The following BCAS3 variants were observed in gnomAD, a reference collection of about 807,000 sequenced individuals.
The protein encoded by BCAS3 is BCAS4/BCAS3 fusion.
In BCAS3, 53 loss-of-function variants were observed where a neutral mutation model predicts 116.1. The ratio of observed to expected loss-of-function variants is 0.46; its 90% CI spans 0.37 to 0.57. BCAS3 has a LOEUF of 0.57. BCAS3 is among the 20% of genes least tolerant of loss of function. BCAS3 has a pLI of 0.00. For missense variants in BCAS3, 917 were observed against 1,165.4 expected (o/e 0.79, Z 3.10); for synonymous variants, 391 against 408.2 (o/e 0.96, Z 0.51).
intron 6 of BCAS3, among the ~76,000 whole-genome samples, chr17:60,752,531 C>T (rs1021339564): frequency 1.3e-5 from 2 of 151,868 alleles, no homozygotes; most frequent in Non-Finnish European, 2.9e-5. Flanking sequence ...TCATGCCATT[C>T]TCCTGCCTCA....
In BCAS3 at chr17:61,323,749, G is replaced by A. The variant is rs145558876; in HGVS notation, c.2426-44578G>A. On this transcript the variant is annotated intron_variant, in intron 22 of 23. Coordinates refer to ENST00000407086, the MANE Select transcript of BCAS3 (RefSeq NM_017679.5). The surrounding 1 kb of genome is among the most constrained non-coding windows in gnomAD (Gnocchi z 4.6). ...AAGGATTCAGGGACCATTCATCACC[G>A]TGGTGCCTAGTCCCCAGGAGGTCAG... Among the ~76,000 whole-genome samples, 2 of 152,098 alleles carry A rather than the reference G, an allele frequency of 1.3e-5. No homozygotes were observed. Among genetic ancestry groups the A allele is most frequent in the Non-Finnish European group, 2.9e-5 (2 of 68,020 alleles).
At chr17:61,370,683 A>G (rs2059001428) in intron 23 of BCAS3, among the ~76,000 whole-genome samples, 1 of 152,224 alleles carries the variant, frequency 6.6e-6, no homozygotes, top group Admixed American at 6.5e-5. Flanking sequence ...CACCATGCCC[A>G]GCCTAAAACT....
At chr17:61,154,437 A>ATT (rs375714479) in intron 22 of BCAS3, among the ~76,000 whole-genome samples, 10 of 141,496 alleles carry the variant, frequency 7.1e-5, no homozygotes, top group African/African-American at 7.8e-5. Context: ...AGCACAAGCA[A>ATT]TTTTTTTTTT....
At chr17:61,202,679 C>T (rs180754335) in intron 22 of BCAS3, among the ~76,000 whole-genome samples, 2 of 152,154 alleles carry the variant, frequency 1.3e-5, no homozygotes, top group Admixed American at 1.3e-4. Flanking sequence ...CAAAGAAAAG[C>T]TGAGAATTAA....
At chr17:61,287,071 AC>A in intron 22 of BCAS3, among the ~76,000 whole-genome samples, 1 of 151,880 alleles carries the variant, frequency 6.6e-6, no homozygotes, top group East Asian at 2.0e-4. Flanking sequence ...ACACGGTGAA[AC>A]CCCGTCTCTA....
At chr17:60,934,739 A>G (rs1010092889) in intron 13 of BCAS3, among the ~76,000 whole-genome samples, 2 of 152,192 alleles carry the variant, frequency 1.3e-5, no homozygotes, top group East Asian at 1.9e-4. Flanking sequence ...AACAGCCTAA[A>G]TATTTCCCAA....
intron 7 of BCAS3, among the ~76,000 whole-genome samples, chr17:60,867,418 T>C (rs9898343): frequency 0.19 from 28,580 of 152,054 alleles, 3,265 homozygotes; most frequent in African/African-American, 0.32. Context: ...CGTAGGTTTT[T>C]AAAAAACCAT....
chr17:60,789,882 A>G (rs941525856), intron 6 of BCAS3, among the ~76,000 whole-genome samples: 2 of 152,190 alleles, frequency 1.3e-5, no homozygotes, highest in Non-Finnish European at 2.9e-5. Context: ...TATTCAAGAT[A>G]TCCACAATAA....
In BCAS3 at chr17:61,105,076, C is replaced by T. The variant is rs1430506906; in HGVS notation, c.2425+20512C>T. On this transcript the variant is annotated intron_variant, in intron 22 of 23. Transcript: ENST00000407086. The surrounding 1 kb of genome is among the most constrained non-coding windows in gnomAD (Gnocchi z 4.3). ...GTGGCTTTTTATGGAACCATAGCTG[C>T]ATTTCCATCTCTTTCATCCCTCCCT... is the stretch of plus-strand genomic sequence containing the variant. Among the ~76,000 whole-genome samples, 1 of 152,142 alleles carries T rather than the reference C, an allele frequency of 6.6e-6. No individual in the cohort carries two copies. Among genetic ancestry groups the T allele is most frequent in the African/African-American group, 2.4e-5 (1 of 41,432 alleles).
intron 12 of BCAS3, among the ~76,000 whole-genome samples, chr17:60,919,208 T>C (rs1003610388): frequency 6.6e-6 from 1 of 152,154 alleles, no homozygotes; most frequent in Admixed American, 6.5e-5. Flanking sequence ...ATACATTTTT[T>C]GGGGGGGTTA....
chr17:60,983,840 T>C (rs1178647764), intron 14 of BCAS3, among the ~76,000 whole-genome samples: 4 of 152,226 alleles, frequency 2.6e-5, no homozygotes, highest in Non-Finnish European at 4.4e-5. Context: ...ATGCATTTCA[T>C]ATTATGATAT....
At chr17:60,921,257 G>T (rs1030480400) in intron 12 of BCAS3, among the ~76,000 whole-genome samples, 1 of 152,176 alleles carries the variant, frequency 6.6e-6, no homozygotes, top group Non-Finnish European at 1.5e-5. Context: ...GTCATTTACA[G>T]CAGCATGTGT....
chr17:60,722,887 C>G (rs1190685332), intron 5 of BCAS3, among the ~76,000 whole-genome samples: 1 of 151,902 alleles, frequency 6.6e-6, no homozygotes, highest in African/African-American at 2.4e-5. Flanking sequence ...CAACATAGAC[C>G]CTGTCTTGAC....
intron 4 of BCAS3, among the ~76,000 whole-genome samples, chr17:60,691,495 T>A (rs984706355): frequency 6.6e-6 from 1 of 152,132 alleles, no homozygotes; most frequent in Non-Finnish European, 1.5e-5. Flanking sequence ...TGATTAGTAA[T>A]GTTTAGCATC....
rs1440723453 is a variant in BCAS3 at position 61,144,169 on chromosome 17, C to T, written c.2425+59605C>T. Reference sequence around the variant, plus strand: ...TTTTTTGCCACTGGTAAACTCCTGCCTAGAGGAATGCCAGAGGCAGAATAA... The same window carrying T: ...TTTTTTGCCACTGGTAAACTCCTGCTTAGAGGAATGCCAGAGGCAGAATAA... On this transcript the variant is annotated intron_variant, in intron 22 of 23. Transcript: ENST00000407086. This position sits in a 1 kb window ranked among gnomAD's most constrained non-coding sequence, Gnocchi z 5.0. Among the ~76,000 whole-genome samples, 1 of 151,970 alleles carries T rather than the reference C, an allele frequency of 6.6e-6. No individual in the cohort carries two copies. The highest frequency in any genetic ancestry group is 2.4e-5 in the African/African-American group (1 of 41,348).
At chr17:61,375,329 A>G (rs16945213) in intron 23 of BCAS3, among the ~76,000 whole-genome samples, 4,194 of 151,886 alleles carry the variant, frequency 0.028, 195 homozygotes, top group African/African-American at 0.096. Flanking sequence ...TACTGGAGTC[A>G]ATCAGATATG....
At chr17:61,107,134 T>C (rs1311831173) in intron 22 of BCAS3, among the ~76,000 whole-genome samples, 1 of 140,562 alleles carries the variant, frequency 7.1e-6, no homozygotes, top group Non-Finnish European at 1.5e-5. Context: ...TCGCCCAGGC[T>C]GGAGTGAAGT....
intron 22 of BCAS3, among the ~76,000 whole-genome samples, chr17:61,299,784 G>A (rs1375306187): frequency 1.3e-5 from 2 of 152,198 alleles, no homozygotes; most frequent in Admixed American, 6.5e-5. Flanking sequence ...TCAGCAAAAG[G>A]ATGCGGGTCC....
intron 6 of BCAS3, among the ~76,000 whole-genome samples, chr17:60,795,832 G>A (rs1287980307): frequency 1.3e-5 from 2 of 152,092 alleles, no homozygotes; most frequent in African/African-American, 4.8e-5. Context: ...TGGGATTACA[G>A]GCATGCGCCA....
Sources: allele counts gnomAD v4.1 joint callset (sites outside exome capture counted in the v4.1 genomes callset), GRCh38; gene constraint gnomAD v4.1.1; non-coding constraint Gnocchi (gnomAD v3.1); transcripts MANE v1.5; gene names NCBI Gene and HGNC (gene_info 2026-07-23, HGNC 2026-07-21).